Variants in ARHGAP26 observed in about 807,000 individuals in gnomAD.
The protein encoded by ARHGAP26 is Rho GTPase activating protein 26.
A neutral mutation model predicts 104.8 loss-of-function variants in ARHGAP26; 38 were observed. That is an observed-to-expected ratio of 0.36 (90% CI 0.28 to 0.48). The LOEUF (loss-of-function observed/expected upper bound fraction) is 0.48. ARHGAP26 is among the 20% of genes least tolerant of loss of function. The pLI, the probability that ARHGAP26 is intolerant of heterozygous loss-of-function variation, is 0.99. For missense variants in ARHGAP26, 704 were observed against 947.9 expected (o/e 0.74, Z 3.38); for synonymous variants, 341 against 340.0 (o/e 1.00, Z -0.03).
chr5:142,913,159 C>T, intron 9 of ARHGAP26, 40 bp from the exon 10 acceptor site: 1 of 1,541,268 alleles, frequency 6.5e-7, no homozygotes, highest in Non-Finnish European at 9.0e-7. Flanking sequence ...GTAGAGCTCC[C>T]ATTCTGGCCT....
At chr5:142,850,395 C>G (rs974994020) in intron 1 of ARHGAP26, among the ~76,000 whole-genome samples, 6 of 152,098 alleles carry the variant, frequency 3.9e-5, no homozygotes, top group Non-Finnish European at 7.4e-5. Context: ...CTCTATGGTG[C>G]TTACTGCTTT....
chr5:143,054,416 G>A (rs1208701497), intron 14 of ARHGAP26, 23 bp from the exon 15 acceptor site: 4 of 1,564,228 alleles, frequency 2.6e-6, no homozygotes, highest in Non-Finnish European at 3.5e-6. Context: ...TGTGCTTTAT[G>A]TATTGTCTTT....
intron 17 of ARHGAP26, among the ~76,000 whole-genome samples, chr5:143,087,636 CTTTTTTTTTTTTT>C (rs35201189): frequency 3.9e-5 from 2 of 51,536 alleles, no homozygotes; most frequent in African/African-American, 7.8e-5. Flanking sequence ...CTGGCCCATT[CTTTTTTTTTTTTT>C]TTTTTTTTTT....
intron 20 of ARHGAP26, among the ~76,000 whole-genome samples, chr5:143,184,631 C>G (rs1304903189): frequency 1.3e-5 from 2 of 152,210 alleles, no homozygotes; most frequent in African/African-American, 4.8e-5. Context: ...CCTCCTGTCT[C>G]TCATCGGCCC....
chr5:143,162,412 T>C (rs258790), intron 20 of ARHGAP26, among the ~76,000 whole-genome samples: 49,050 of 151,924 alleles, frequency 0.32, 8,773 homozygotes, highest in East Asian at 0.49. Flanking sequence ...AAATGTTCAG[T>C]TGTCACAGTG....
intron 20 of ARHGAP26, among the ~76,000 whole-genome samples, chr5:143,190,431 G>C (rs1805772483): frequency 6.6e-6 from 1 of 152,106 alleles, no homozygotes; most frequent in Admixed American, 6.6e-5. Context: ...TAAGAGGGAG[G>C]CTCTGTGCGC....
chr5:143,215,864 G>T (rs1404508850), intron 22 of ARHGAP26, among the ~76,000 whole-genome samples: 1 of 152,204 alleles, frequency 6.6e-6, no homozygotes, highest in African/African-American at 2.4e-5. Flanking sequence ...TTCATCAGTA[G>T]ATGGGCACGT....
At chr5:142,987,114 T>C (rs1774863081) in intron 11 of ARHGAP26, among the ~76,000 whole-genome samples, 2 of 152,252 alleles carry the variant, frequency 1.3e-5, no homozygotes, top group Admixed American at 1.3e-4. Context: ...ATATTGATTC[T>C]TCCTATCCAT....
intron 1 of ARHGAP26, among the ~76,000 whole-genome samples, chr5:142,773,316 A>G (rs1478530582): frequency 1.3e-5 from 2 of 152,214 alleles, no homozygotes; most frequent in Non-Finnish European, 2.9e-5. Context: ...TTATAGCTCT[A>G]AACTTTTGTG....
chr5:143,207,561 C>T (rs1283896667), intron 21 of ARHGAP26: 1 of 1,496,262 alleles, frequency 6.7e-7, no homozygotes, highest in African/African-American at 1.4e-5. Flanking sequence ...TCCTGTGGTT[C>T]CATCCTAAGA....
At chr5:142,808,832 T>C (rs1763535045) in intron 1 of ARHGAP26, among the ~76,000 whole-genome samples, 1 of 152,178 alleles carries the variant, frequency 6.6e-6, no homozygotes, top group African/African-American at 2.4e-5. Context: ...TCAGCCGCTC[T>C]GGAAGTTTTT....
intron 1 of ARHGAP26, among the ~76,000 whole-genome samples, chr5:142,804,837 T>A (rs569637756): frequency 1.3e-5 from 2 of 152,218 alleles, no homozygotes; most frequent in East Asian, 3.9e-4. Context: ...AAAATTTCCT[T>A]CCTGCTCATT....
Position 143,193,240 on chromosome 5 carries a change from CTTTTTTTT to C in ARHGAP26, c.1989-13940_1989-13933del, listed in dbSNP as rs57462040. The stretch of plus-strand genomic sequence containing the variant: ...GGTATTACAGTGCTTATTTTCTTTT[CTTTTTTTT>C]TTTTTTTTTTTTTTTTTGAGGCAGA... On this transcript the variant is annotated intron_variant, in intron 20 of 22. Transcript: ENST00000645722. Among the ~76,000 whole-genome samples, 27 of 74,622 alleles carry C rather than the reference CTTTTTTTT, an allele frequency of 3.6e-4. No individual in the cohort carries two copies. The Admixed American group carries it at 4.4e-3, about 12-fold the overall frequency. The allele number at this position is 74,622 out of a possible 152,430, so 49.0% of individuals were successfully genotyped here. A position where few individuals can be genotyped will look rare whatever the true frequency, so the allele number is the denominator to read the frequency against.
intron 11 of ARHGAP26, among the ~76,000 whole-genome samples, chr5:142,951,164 A>ATTCT (rs1443690587): frequency 6.6e-6 from 1 of 152,008 alleles, no homozygotes. Flanking sequence ...GGTTCAAGCG[A>ATTCT]TTCTCCTGCT....
chr5:143,039,552 AAAGAC>A (rs1274272429), intron 13 of ARHGAP26, among the ~76,000 whole-genome samples: 26 of 152,216 alleles, frequency 1.7e-4, no homozygotes, highest in African/African-American at 6.3e-4. Flanking sequence ...ATTTAAAAGA[AAAGAC>A]CGAGAATAAA....
At chr5:143,000,418 C>T (rs1777028007) in intron 11 of ARHGAP26, among the ~76,000 whole-genome samples, 1 of 152,186 alleles carries the variant, frequency 6.6e-6, no homozygotes, top group Non-Finnish European at 1.5e-5. Flanking sequence ...TATATTCAAA[C>T]ATTAAATTTC....
At chr5:142,915,445 G>T (rs925714972) in intron 10 of ARHGAP26, 2 of 150,470 alleles carry the variant, frequency 1.3e-5, no homozygotes, top group African/African-American at 4.9e-5. Context: ...TGCAACCTCT[G>T]CCTCCCGGGT....
Position 143,228,097 on chromosome 5 carries a change from G to T in ARHGAP26, c.*5651G>T, listed in dbSNP as rs1232174963. ...AGTTACCTGGAGCAGTCCTGGAGAG[G>T]TTAAGACATTCTATACTGTTCTACG... On this transcript the variant is annotated 3_prime_UTR_variant, in exon 23 of 23. Transcript: ENST00000645722. The T allele has an allele frequency of 4.5e-6, 1 of 223,432 alleles. No individual in the cohort carries two copies. The allele number at this position is 223,432 out of a possible 1,614,324, so 13.8% of individuals were successfully genotyped here. A position where few individuals can be genotyped will look rare whatever the true frequency, so the allele number is the denominator to read the frequency against.
At chr5:143,162,040 A>G (rs552776297) in intron 20 of ARHGAP26, among the ~76,000 whole-genome samples, 1 of 152,246 alleles carries the variant, frequency 6.6e-6, no homozygotes, top group South Asian at 2.1e-4. Flanking sequence ...AAAGCCCACT[A>G]ACTCCAGCAC....
Sources: allele counts gnomAD v4.1 joint callset (sites outside exome capture counted in the v4.1 genomes callset), GRCh38; gene constraint gnomAD v4.1.1; transcripts MANE v1.5; gene names NCBI Gene and HGNC (gene_info 2026-07-23, HGNC 2026-07-21).